The following ABCC1 variants were observed in gnomAD, a reference collection of about 807,000 sequenced individuals.
The protein encoded by ABCC1 is multidrug resistance-associated protein 1.
Under a neutral mutation model 172.9 loss-of-function variants are expected in ABCC1, and 83 were observed. The ratio of observed to expected loss-of-function variants is 0.48; its 90% CI spans 0.40 to 0.58. The LOEUF is 0.58. ABCC1 is among the 20% of genes least tolerant of loss of function. The pLI, the probability that ABCC1 is intolerant of heterozygous loss-of-function variation, is 0.00. For synonymous variants in ABCC1, 937 were observed against 825.2 expected (o/e 1.14, Z -2.32); for missense variants, 1,817 against 2,002.7 (o/e 0.91, Z 1.77).
chr16:15,949,563 G>C (rs1186941174), upstream of ABCC1: 3 of 166,018 alleles, frequency 1.8e-5, no homozygotes, highest in African/African-American at 7.4e-5. Context: ...GCATCCCCGT[G>C]ACGCGCGGGC....
intron 10 of ABCC1, among the ~76,000 whole-genome samples, chr16:16,051,626 T>C (rs533998257): frequency 1.5e-4 from 23 of 152,286 alleles, no homozygotes; most frequent in Non-Finnish European, 3.2e-4. Flanking sequence ...GTGTGTGAAA[T>C]GTTGCCAACC....
intron 5 of ABCC1, among the ~76,000 whole-genome samples, chr16:16,022,382 C>T (rs1056923403): frequency 2.0e-5 from 3 of 152,152 alleles, no homozygotes; most frequent in Non-Finnish European, 4.4e-5. Context: ...GCCAGAGCTC[C>T]GGCCGGTCCC....
At chr16:16,120,969 C>A (rs775099827) in intron 23 of ABCC1, among the ~76,000 whole-genome samples, 2 of 152,200 alleles carry the variant, frequency 1.3e-5, no homozygotes, top group Non-Finnish European at 2.9e-5. Flanking sequence ...TGAATGCTTA[C>A]TGTTAGGTCA....
chr16:15,954,846 C>A (rs540423794), intron 1 of ABCC1, among the ~76,000 whole-genome samples: 2 of 152,262 alleles, frequency 1.3e-5, no homozygotes, highest in African/African-American at 2.4e-5. Context: ...AGGAACTGAT[C>A]TCTCTATGTG....
In ABCC1 at chr16:16,044,576, T is replaced by C. The variant is rs1243441462; in HGVS notation, c.936T>C (p.Ser312=). 6.2e-7 allele frequency: 1 copy of C among 1,614,050 alleles called. No individual in the cohort carries two copies. Among genetic ancestry groups the C allele is most frequent in the East Asian group, 2.2e-5 (1 of 44,888 alleles). The change falls in exon 8 of 31, where the codon TCT becomes TCC. Residue 312 remains serine (S), a synonymous_variant. Transcript: ENST00000399410. ...CCCCACAGAAGGAGTGGAACCCCTC[T>C]CTGTTTAAGGTGTTATACAAGACCT... ...VKSPQKEWNP[S]LFKVLYKTFG...
intron 26 of ABCC1, among the ~76,000 whole-genome samples, chr16:16,129,253 T>C (rs754934521): frequency 1.3e-5 from 2 of 152,220 alleles, no homozygotes; most frequent in Admixed American, 6.5e-5. Context: ...ATAGTAACAG[T>C]CACTGCCTCT....
chr16:16,033,003 T>C, intron 5 of ABCC1, 106 bp from the exon 6 acceptor site: 1 of 1,115,650 alleles, frequency 9.0e-7, no homozygotes, highest in Non-Finnish European at 1.4e-6. Context: ...GCTAGTCCTC[T>C]GGAAGGAAGA....
chr16:16,016,685 C>T, intron 5 of ABCC1, 64 bp downstream of exon 5: 2 of 1,594,612 alleles, frequency 1.3e-6, no homozygotes, highest in Admixed American at 1.7e-5. Flanking sequence ...GACACAGTAC[C>T]AGCTAACATT....
chr16:15,980,155 T>A (rs1282731452), intron 1 of ABCC1, among the ~76,000 whole-genome samples: 1 of 152,180 alleles, frequency 6.6e-6, no homozygotes, highest in Non-Finnish European at 1.5e-5. Flanking sequence ...AAGGGTTAGG[T>A]AGTACATATT....
intron 19 of ABCC1, among the ~76,000 whole-genome samples, chr16:16,094,814 CTTTTT>C (rs895974418): frequency 3.3e-5 from 4 of 120,636 alleles, no homozygotes; most frequent in African/African-American, 7.2e-5. Context: ...TGCGCCTGGC[CTTTTT>C]TTTTTTTTTT....
At chr16:16,112,374 CAAA>C (rs1197942092) in intron 22 of ABCC1, among the ~76,000 whole-genome samples, 2 of 133,570 alleles carry the variant, frequency 1.5e-5, no homozygotes, top group African/African-American at 2.8e-5. Context: ...AAAAAATAAA[CAAA>C]AAAAAAAAAA....
chr16:16,119,013 A>G (rs898444188), intron 23 of ABCC1, among the ~76,000 whole-genome samples: 9 of 152,202 alleles, frequency 5.9e-5, no homozygotes, highest in African/African-American at 1.7e-4. Flanking sequence ...AAATTGTGAT[A>G]TAATTATACA....
At chr16:16,093,616 CT>C (rs2051342133) in intron 19 of ABCC1, among the ~76,000 whole-genome samples, 1 of 152,172 alleles carries the variant, frequency 6.6e-6, no homozygotes, top group Non-Finnish European at 1.5e-5. Context: ...GGGCACCCCC[CT>C]CTCTCACCAC....
At chr16:16,075,979 C>T (rs924045440) in intron 14 of ABCC1, among the ~76,000 whole-genome samples, 1 of 152,050 alleles carries the variant, frequency 6.6e-6, no homozygotes, top group Non-Finnish European at 1.5e-5. Flanking sequence ...GGAGCTGCCC[C>T]GAACCTGCCT....
rs375106716 is a variant in ABCC1, at chr16:15,999,296, T to C, written c.49-8520T>C. ...CTGGGTTTACAGGCGTGAGCCACTG[T>C]GCCCAGCCAAAAAAATTTTTTTAAA... On this transcript the variant is annotated intron_variant, in intron 1 of 30. Coordinates refer to ENST00000399410, the MANE Select transcript of ABCC1 (RefSeq NM_004996.4). Among the ~76,000 whole-genome samples the C allele has an allele frequency of 3.6e-4, 55 of 152,190 alleles. No individual in the cohort carries two copies. The South Asian group carries it at 7.3e-3, about 20-fold the overall frequency.
rs215096 is a variant in ABCC1, at chr16:15,961,589, A to G, written c.48+11790A>G. Among the ~76,000 whole-genome samples the G allele has an allele frequency of 9.6e-3, 1,455 of 152,310 alleles. 110 individuals carry two copies. The East Asian group carries it at 0.18, about 19-fold the overall frequency. ...GTGTTTTTCGAGAAAAGTTTCAAGT[A>G]TATGCAAATGTATGTGCAAGAACGT... On this transcript the variant is annotated intron_variant, in intron 1 of 30. Coordinates refer to ENST00000399410, the MANE Select transcript of ABCC1 (RefSeq NM_004996.4).
intron 19 of ABCC1, among the ~76,000 whole-genome samples, chr16:16,092,276 A>G (rs1316275810): frequency 6.6e-6 from 1 of 152,102 alleles, no homozygotes; most frequent in African/African-American, 2.4e-5. Context: ...TTCATACAAC[A>G]TACAATTAAC....
intron 5 of ABCC1, among the ~76,000 whole-genome samples, chr16:16,028,006 C>T (rs1049554381): frequency 1.2e-4 from 18 of 152,238 alleles, no homozygotes; most frequent in African/African-American, 4.3e-4. Flanking sequence ...ACCCAAGGTC[C>T]CACAGCTAGG....
intron 1 of ABCC1, among the ~76,000 whole-genome samples, chr16:15,986,566 A>C (rs987327410): frequency 6.6e-6 from 1 of 152,192 alleles, no homozygotes; most frequent in African/African-American, 2.4e-5. Context: ...TGATGATCTG[A>C]GGGGGAACAG....
Sources: allele counts gnomAD v4.1 joint callset (sites outside exome capture counted in the v4.1 genomes callset), GRCh38; gene constraint gnomAD v4.1.1; transcripts MANE v1.5; gene names NCBI Gene and HGNC (gene_info 2026-07-23, HGNC 2026-07-21).